ARL3: variants seen among roughly 807,000 people sequenced by gnomAD.
ARL3 encodes ADP-ribosylation factor-like protein 3.
A neutral mutation model predicts 26.0 loss-of-function variants in ARL3; 9 were observed. That is an observed-to-expected ratio of 0.35 (90% CI 0.21 to 0.60). The LOEUF (loss-of-function observed/expected upper bound fraction) is 0.60, where lower values mean the gene tolerates loss of function less well. ARL3 is among the 20% of genes least tolerant of loss of function. The pLI is 0.78. For synonymous variants in ARL3, 71 were observed against 78.4 expected (o/e 0.91, Z 0.50); for missense variants, 158 against 215.7 (o/e 0.73, Z 1.67).
intron 3 of ARL3, among the ~76,000 whole-genome samples, chr10:102,695,660 G>A (rs1045717233): frequency 2.0e-5 from 3 of 151,954 alleles, no homozygotes; most frequent in African/African-American, 7.3e-5. Flanking sequence ...GTAGCTTACG[G>A]GCATGTGCCG....
intron 1 of ARL3, among the ~76,000 whole-genome samples, chr10:102,708,911 T>A (rs866708472): frequency 0.035 from 4,860 of 137,214 alleles, 110 homozygotes; most frequent in Non-Finnish European, 0.053. Context: ...TATATATATT[T>A]TTTTTTTTTT....
At position 102,676,468 on chromosome 10, in the gene ARL3, GA is replaced by G. The variant is rs2135993636; in HGVS notation, c.*425del. 1 of 157,522 alleles carries G rather than the reference GA, an allele frequency of 6.3e-6. No individual in the cohort carries two copies. The highest frequency in any genetic ancestry group is 1.6e-4 in the South Asian group (1 of 6,276). The allele number at this position is 157,522 out of a possible 1,614,324, so 9.8% of individuals were successfully genotyped here. On this transcript the variant is annotated 3_prime_UTR_variant, in exon 6 of 6. Coordinates refer to ENST00000260746, the MANE Select transcript of ARL3 (RefSeq NM_004311.4). ...CACTGTCTGTGGTTTCAAAACCATG[GA>G]GGGAATGCAAGGGACGGGTCAGTAA...
rs896572450 is a variant in ARL3 at position 102,714,270 on chromosome 10, C to A, written c.3+3G>T. On this transcript the variant is annotated splice_donor_region_variant and intron_variant, in intron 1 of 5. Coordinates refer to ENST00000260746, the MANE Select transcript of ARL3 (RefSeq NM_004311.4). ...CCAAGGGGGCCCAGGCCCCCACACT[C>A]ACCATCCTCCCGCCGAGTCCCTCCT... 8 of 1,313,206 alleles carry A rather than the reference C, an allele frequency of 6.1e-6. No individual in the cohort carries two copies. The highest frequency in any genetic ancestry group is 2.1e-4 in the Middle Eastern group (1 of 4,842). 81.3% of individuals were successfully genotyped at this position (1,313,206 alleles called of 1,614,324 possible).
chr10:102,693,878 T>C (rs981751028), intron 3 of ARL3, among the ~76,000 whole-genome samples: 7 of 152,078 alleles, frequency 4.6e-5, no homozygotes, highest in African/African-American at 1.7e-4. Context: ...TCACAGTATA[T>C]TGTGCAAGCT....
chr10:102,680,745 G>A lies in ARL3; in HGVS notation c.502-3804C>T, dbSNP rs559755583. Among the ~76,000 whole-genome samples, 23 of 152,310 alleles carry A rather than the reference G, an allele frequency of 1.5e-4. No individual in the cohort carries two copies. In the East Asian group the frequency reaches 4.4e-3, roughly 29 times the overall value. On this transcript the variant is annotated intron_variant, in intron 5 of 5. Transcript: ENST00000260746. ...TGGGCCTGGTTTTTAGAGCCATGCT[G>A]GTTACGTGGTCACAGCAGTAATTGC...
rs2064126022 is a variant in ARL3, at chr10:102,675,600, G to A, written c.*1294C>T. 1 of 152,256 alleles carries A rather than the reference G, an allele frequency of 6.6e-6. No homozygotes were observed. The highest frequency in any genetic ancestry group is 2.1e-4 in the South Asian group (1 of 4,834). The allele number at this position is 152,256 out of a possible 1,614,324, so 9.4% of individuals were successfully genotyped here. ...CATGTTTGAAGCTGAGGATTTCTGA[G>A]GTTCAGGGAAACAAGCTCGTTTTGC... On this transcript the variant is annotated 3_prime_UTR_variant, in exon 6 of 6. Transcript: ENST00000260746.
chr10:102,683,305 CTTAA>C (rs1246628513), intron 5 of ARL3, among the ~76,000 whole-genome samples: 1 of 152,162 alleles, frequency 6.6e-6, no homozygotes, highest in African/African-American at 2.4e-5. Context: ...AGATTCCCTT[CTTAA>C]TTAACATTTT....
chr10:102,707,937 A>G (rs1157513184), intron 1 of ARL3, among the ~76,000 whole-genome samples: 1 of 152,000 alleles, frequency 6.6e-6, no homozygotes, highest in Non-Finnish European at 1.5e-5. Flanking sequence ...TTGGGGGGAC[A>G]GGGTCTTCCT....
intron 3 of ARL3, among the ~76,000 whole-genome samples, chr10:102,692,228 T>C (rs1031593797): frequency 6.6e-6 from 1 of 152,234 alleles, no homozygotes. Flanking sequence ...AGAAAGTTTC[T>C]GAGACCTCCT....
At chr10:102,713,084 TG>T (rs57274130) in intron 1 of ARL3, among the ~76,000 whole-genome samples, 91,036 of 122,648 alleles carry the variant, frequency 0.74, 30,451 homozygotes, top group South Asian at 0.79. Context: ...CTAGTTTTTT[TG>T]TTTTTTTTTT....
chr10:102,704,970 G>A (rs928421453), intron 2 of ARL3, among the ~76,000 whole-genome samples: 7 of 152,110 alleles, frequency 4.6e-5, no homozygotes, highest in African/African-American at 1.4e-4. Context: ...AACATAAAAC[G>A]TACCATTTCA....
chr10:102,711,764 G>GA lies in ARL3; in HGVS notation c.3+2508dup, dbSNP rs542396536. On this transcript the variant is annotated intron_variant, in intron 1 of 5. Coordinates refer to ENST00000260746, the MANE Select transcript of ARL3 (RefSeq NM_004311.4). ...AGAGCAAGACTCCGTCTCAAAAAAA[G>GA]AAAAAAAAAAGAAGAAAACAGGAAC... 5.2e-4 allele frequency among the ~76,000 whole-genome samples: 75 copies of GA among 143,934 alleles called. 1 individual carries two copies. In the East Asian group the frequency reaches 9.2e-3, roughly 18 times the overall value. 94.4% of individuals were successfully genotyped at this position (143,934 alleles called of 152,430 possible).
At chr10:102,684,231 C>T (rs1466463714) in intron 5 of ARL3, among the ~76,000 whole-genome samples, 3 of 152,164 alleles carry the variant, frequency 2.0e-5, no homozygotes, top group Non-Finnish European at 4.4e-5. Context: ...TCATTGCAAG[C>T]TCCGCCTCCT....
intron 2 of ARL3, among the ~76,000 whole-genome samples, chr10:102,705,097 C>T (rs758171349): frequency 6.6e-6 from 1 of 152,108 alleles, no homozygotes; most frequent in East Asian, 1.9e-4. Context: ...ACAATAACTC[C>T]CCATTCCCCC....
At chr10:102,706,531 C>G (rs918643623) in intron 1 of ARL3, among the ~76,000 whole-genome samples, 3 of 152,056 alleles carry the variant, frequency 2.0e-5, no homozygotes, top group African/African-American at 7.2e-5. Context: ...TTCACAAGAC[C>G]CTACAGGATA....
At chr10:102,689,712 C>T (rs924299616) in intron 4 of ARL3, among the ~76,000 whole-genome samples, 181 bp downstream of exon 4, 3 of 151,828 alleles carry the variant, frequency 2.0e-5, no homozygotes, top group African/African-American at 7.3e-5. Context: ...ATGCTAATTC[C>T]AGCTACTCGG....
intron 3 of ARL3, among the ~76,000 whole-genome samples, chr10:102,699,057 C>T (rs1219153148): frequency 6.6e-6 from 1 of 152,188 alleles, no homozygotes; most frequent in Non-Finnish European, 1.5e-5. Context: ...TCGTTGTCTT[C>T]CTAGGGGTGA....
chr10:102,702,144 A>G (rs1425243771), intron 2 of ARL3, among the ~76,000 whole-genome samples: 2 of 151,970 alleles, frequency 1.3e-5, no homozygotes, highest in Non-Finnish European at 2.9e-5. Flanking sequence ...TGAGCTATGG[A>G]TGGTGCCACT....
intron 5 of ARL3, among the ~76,000 whole-genome samples, chr10:102,680,684 G>T (rs796673795): frequency 6.6e-6 from 1 of 152,092 alleles, no homozygotes; most frequent in South Asian, 2.1e-4. Flanking sequence ...ATCACTGCTC[G>T]GTAGCTGGAA....
Sources: allele counts gnomAD v4.1 joint callset (sites outside exome capture counted in the v4.1 genomes callset), GRCh38; gene constraint gnomAD v4.1.1; transcripts MANE v1.5; gene names NCBI Gene and HGNC (gene_info 2026-07-23, HGNC 2026-07-21).